The following TRHDE variants were observed in gnomAD, a reference collection of about 807,000 sequenced individuals.
TRHDE encodes thyrotropin-releasing hormone-degrading ectoenzyme.
Under a neutral mutation model 125.7 loss-of-function variants are expected in TRHDE, and 72 were observed. The ratio of observed to expected loss-of-function variants is 0.57; its 90% CI spans 0.47 to 0.70. The LOEUF (loss-of-function observed/expected upper bound fraction) is 0.70. Among genes scored for constraint, TRHDE ranks in the 30% least tolerant of loss-of-function variants. TRHDE has a pLI of 0.00. For synonymous variants in TRHDE, 509 were observed against 509.1 expected (o/e 1.00, Z 0.00); for missense variants, 1,110 against 1,327.1 (o/e 0.84, Z 2.54).
intron 3 of TRHDE, among the ~76,000 whole-genome samples, chr12:72,465,682 A>C (rs990718187): frequency 5.3e-5 from 8 of 152,140 alleles, no homozygotes; most frequent in African/African-American, 1.9e-4. Context: ...ATTTGTGTAC[A>C]AATGTTTGTG....
chr12:72,181,530 T>C (rs1474934141), intron 2 of TRHDE, among the ~76,000 whole-genome samples: 1 of 152,340 alleles, frequency 6.6e-6, no homozygotes, highest in Admixed American at 6.5e-5. Context: ...AAATATTTAA[T>C]GTGTATTATC....
intron 15 of TRHDE, among the ~76,000 whole-genome samples, chr12:72,631,813 A>G (rs1873507669): frequency 6.6e-6 from 1 of 151,968 alleles, no homozygotes; most frequent in Non-Finnish European, 1.5e-5. Flanking sequence ...TCTACTCAAG[A>G]CAGCTTTATG....
At chr12:72,271,738 C>T, upstream of TRHDE, 1 of 371,622 alleles carries the variant, frequency 2.7e-6, no homozygotes, top group South Asian at 2.0e-5. Flanking sequence ...CACGCACACA[C>T]GCGCACACAC....
chr12:72,536,902 G>C (rs955599679), intron 6 of TRHDE, among the ~76,000 whole-genome samples: 1 of 152,046 alleles, frequency 6.6e-6, no homozygotes, highest in African/African-American at 2.4e-5. Flanking sequence ...GCATCTCACT[G>C]ATTCCAAACT....
At chr12:72,344,493 T>G (rs1437863317) in intron 2 of TRHDE, among the ~76,000 whole-genome samples, 2 of 152,148 alleles carry the variant, frequency 1.3e-5, no homozygotes, top group African/African-American at 4.8e-5. Context: ...GGACCAAGAT[T>G]GGAATCCATA....
intron 12 of TRHDE, among the ~76,000 whole-genome samples, chr12:72,593,594 C>T (rs1871788836): frequency 6.6e-6 from 1 of 152,032 alleles, no homozygotes; most frequent in South Asian, 2.1e-4. Context: ...TATACATGTG[C>T]CATGTTGGTG....
chr12:72,231,293 A>G (rs1878241148), intron 2 of TRHDE, among the ~76,000 whole-genome samples: 1 of 152,168 alleles, frequency 6.6e-6, no homozygotes, highest in African/African-American at 2.4e-5. Flanking sequence ...AGGTTCTAGT[A>G]TTTAGTTACA....
upstream of TRHDE, among the ~76,000 whole-genome samples, chr12:72,269,892 G>A (rs1879156407): frequency 6.6e-6 from 1 of 152,134 alleles, no homozygotes; most frequent in Non-Finnish European, 1.5e-5. Context: ...GTTTTAGAAA[G>A]AGAAAGTCTT....
intron 2 of TRHDE, among the ~76,000 whole-genome samples, chr12:72,196,006 G>A (rs539150423): frequency 6.6e-6 from 1 of 152,086 alleles, no homozygotes; most frequent in African/African-American, 2.4e-5. Flanking sequence ...TGCTATTTTT[G>A]TCGACTTTGT....
intron 6 of TRHDE, among the ~76,000 whole-genome samples, chr12:72,525,099 T>C (rs1868309283): frequency 6.6e-6 from 1 of 152,152 alleles, no homozygotes. Context: ...AAGACATATT[T>C]GAATCTGGAG....
At chr12:72,291,707 G>T (rs1027938919) in intron 2 of TRHDE, among the ~76,000 whole-genome samples, 3 of 152,184 alleles carry the variant, frequency 2.0e-5, no homozygotes, top group East Asian at 3.9e-4. Context: ...CACTGTATTG[G>T]GTATTGTATG....
chr12:72,644,946 G>T (rs762696607), intron 15 of TRHDE, among the ~76,000 whole-genome samples: 2 of 152,158 alleles, frequency 1.3e-5, no homozygotes, highest in Non-Finnish European at 2.9e-5. Flanking sequence ...ACAGCTACCT[G>T]CTTCTCCCTG....
At chr12:72,382,106 G>A (rs1482850824) in intron 3 of TRHDE, among the ~76,000 whole-genome samples, 1 of 152,188 alleles carries the variant, frequency 6.6e-6, no homozygotes, top group East Asian at 1.9e-4. Context: ...TACTGAGCGG[G>A]AGCATGTAGT....
At chr12:72,536,602 T>C (rs759073552) in intron 6 of TRHDE, among the ~76,000 whole-genome samples, 4 of 152,018 alleles carry the variant, frequency 2.6e-5, no homozygotes, top group Non-Finnish European at 5.9e-5. Flanking sequence ...GAGGAAAGAG[T>C]GACCTTTGTG....
chr12:72,244,657 T>C (rs575398658), intron 2 of TRHDE, among the ~76,000 whole-genome samples: 3 of 152,106 alleles, frequency 2.0e-5, no homozygotes, highest in Non-Finnish European at 4.4e-5. Flanking sequence ...AAATTAAAAA[T>C]TAAGTTTATA....
intron 2 of TRHDE, chr12:72,262,464 C>T (rs1300901359): frequency 6.6e-6 from 1 of 152,118 alleles, no homozygotes; most frequent in Non-Finnish European, 1.5e-5. Context: ...ATCACATCAG[C>T]AGTTTAATTT....
At chr12:72,550,053 T>C (rs1037859635) in intron 7 of TRHDE, among the ~76,000 whole-genome samples, 2 of 151,958 alleles carry the variant, frequency 1.3e-5, no homozygotes, top group South Asian at 2.1e-4. Context: ...ATCTTTTATC[T>C]ATTAGTTAAG....
intron 2 of TRHDE, among the ~76,000 whole-genome samples, chr12:72,372,183 A>T (rs1871629827): frequency 6.6e-6 from 1 of 152,086 alleles, no homozygotes; most frequent in Admixed American, 6.5e-5. Context: ...GGCTGCATAA[A>T]TGTCTTCTTT....
At position 72,626,301 on chromosome 12, in the gene TRHDE, G is replaced by A. The variant is rs368673904; in HGVS notation, c.2675+4550G>A. On this transcript the variant is annotated intron_variant, in intron 15 of 18. Coordinates refer to ENST00000261180, the MANE Select transcript of TRHDE (RefSeq NM_013381.3). ...TAACCACACAGGTCATGAGAGTTAT[G>A]TAAAAGAATGCCTATATAATACTTA... 1.2e-4 allele frequency among the ~76,000 whole-genome samples: 18 copies of A among 152,010 alleles called. 1 individual carries two copies. Among genetic ancestry groups the A allele is most frequent in the Admixed American group, 6.6e-4 (10 of 15,196 alleles).
Sources: allele counts gnomAD v4.1 joint callset (sites outside exome capture counted in the v4.1 genomes callset), GRCh38; gene constraint gnomAD v4.1.1; transcripts MANE v1.5; gene names NCBI Gene and HGNC (gene_info 2026-07-23, HGNC 2026-07-21).